The following ATP8B1 variants were observed in gnomAD, a reference collection of about 807,000 sequenced individuals.
ATP8B1 encodes phospholipid-transporting ATPase IC.
A neutral mutation model predicts 149.9 loss-of-function variants in ATP8B1; 80 were observed. The ratio of observed to expected loss-of-function variants is 0.53; its 90% CI spans 0.45 to 0.64. The LOEUF (loss-of-function observed/expected upper bound fraction) is 0.64, where lower values mean the gene tolerates loss of function less well. ATP8B1 is among the 30% of genes least tolerant of loss of function. ATP8B1 has a pLI of 0.00. For synonymous variants in ATP8B1, 536 were observed against 562.8 expected (o/e 0.95, Z 0.67); for missense variants, 1,247 against 1,552.6 (o/e 0.80, Z 3.31).
intron 1 of ATP8B1, among the ~76,000 whole-genome samples, chr18:57,749,286 G>T (rs1283412906): frequency 6.6e-6 from 1 of 152,050 alleles, no homozygotes; most frequent in Non-Finnish European, 1.5e-5. Context: ...GTAGTACAGA[G>T]AATATATATA....
At chr18:57,731,211 T>TAGG (rs2079760896) in intron 2 of ATP8B1, among the ~76,000 whole-genome samples, 1 of 151,536 alleles carries the variant, frequency 6.6e-6, no homozygotes, top group Admixed American at 6.6e-5. Flanking sequence ...GAGGCTGAGG[T>TAGG]AGGAGGATCA....
intron 1 of ATP8B1, among the ~76,000 whole-genome samples, chr18:57,765,275 AAT>A (rs2080199762): frequency 1.3e-5 from 2 of 152,210 alleles, no homozygotes; most frequent in African/African-American, 4.8e-5. Context: ...GGAGTTGTTT[AAT>A]GAGTGCAGAG....
intron 21 of ATP8B1, 139 bp downstream of exon 21, chr18:57,662,344 A>C (rs1910512746): frequency 2.0e-6 from 2 of 998,630 alleles, no homozygotes; most frequent in East Asian, 5.2e-5. Flanking sequence ...ATTAAGTCTC[A>C]AACTTGGAAA....
intron 15 of ATP8B1, among the ~76,000 whole-genome samples, chr18:57,680,470 A>G (rs1911889671): frequency 6.6e-6 from 1 of 150,554 alleles, no homozygotes; most frequent in Admixed American, 6.7e-5. Flanking sequence ...CTGTAATCCC[A>G]GCTACTCGGA....
At chr18:57,713,253 TTCTTTCTTTC>T (rs1913817614) in intron 2 of ATP8B1, among the ~76,000 whole-genome samples, 3 of 136,164 alleles carry the variant, frequency 2.2e-5, no homozygotes, top group African/African-American at 8.2e-5. Context: ...CTTTCTTTCT[TTCTTTCTTTC>T]TCTTTCTTTC....
intron 16 of ATP8B1, among the ~76,000 whole-genome samples, chr18:57,674,379 CCA>C (rs1423537172): frequency 1.6e-5 from 2 of 125,990 alleles, no homozygotes; most frequent in African/African-American, 5.8e-5. Flanking sequence ...GAAAACAATA[CCA>C]GTTTCTTTTT....
intron 12 of ATP8B1, among the ~76,000 whole-genome samples, chr18:57,690,509 T>G (rs1912479419): frequency 2.0e-5 from 3 of 152,230 alleles, no homozygotes; most frequent in Admixed American, 6.5e-5. Context: ...ATGTATACAG[T>G]TTCTTTTATA....
chr18:57,661,668 T>C (rs1436687650), intron 21 of ATP8B1, among the ~76,000 whole-genome samples: 2 of 81,630 alleles, frequency 2.5e-5, no homozygotes, highest in East Asian at 3.7e-4. Flanking sequence ...TGTATGTGTG[T>C]ATGTATATAC....
intron 1 of ATP8B1, among the ~76,000 whole-genome samples, chr18:57,796,139 G>C (rs2080513248): frequency 6.6e-6 from 1 of 152,188 alleles, no homozygotes. Flanking sequence ...CTGCATTCCA[G>C]CCTGCATGAC....
intron 3 of ATP8B1, among the ~76,000 whole-genome samples, chr18:57,705,574 C>T (rs572565780): frequency 3.4e-4 from 52 of 152,150 alleles, no homozygotes; most frequent in African/African-American, 1.2e-3. Flanking sequence ...GGAAGAGTGC[C>T]CCTTGAAGAT....
At chr18:57,788,546 C>T (rs2080431914) in intron 1 of ATP8B1, among the ~76,000 whole-genome samples, 1 of 145,136 alleles carries the variant, frequency 6.9e-6, no homozygotes, top group South Asian at 2.1e-4. Context: ...CAGAGTGAGA[C>T]TCTTATCTCA....
chr18:57,717,544 T>C (rs1599149370), intron 2 of ATP8B1, among the ~76,000 whole-genome samples: 1 of 20,610 alleles, frequency 4.9e-5, no homozygotes, highest in Non-Finnish European at 7.8e-5. Flanking sequence ...CAAGACTCTG[T>C]CTCAAAAAAA....
Position 57,776,039 on chromosome 18 carries a change from T to TCAAAGGAGGCA in ATP8B1, c.-26+26958_-26+26959insTGCCTCCTTTG, listed in dbSNP as rs1568066648. On this transcript the variant is annotated intron_variant, in intron 1 of 27. Transcript: ENST00000648908. The stretch of plus-strand genomic sequence containing the variant: ...ATGCCAGGATAAGGAGTAGGCTACA[T>TCAAAGGAGGCA]TGGATTCTAATCAAAGGAGGCATGA... Among the ~76,000 whole-genome samples the TCAAAGGAGGCA allele has an allele frequency of 1.5e-4, 23 of 152,270 alleles. No homozygotes were observed. The East Asian group carries it at 4.2e-3, about 28-fold the overall frequency.
At chr18:57,693,506 G>A (rs1912647441) in intron 11 of ATP8B1, among the ~76,000 whole-genome samples, 4 of 152,078 alleles carry the variant, frequency 2.6e-5, no homozygotes, top group African/African-American at 7.2e-5. Flanking sequence ...TCAGGGGTTC[G>A]AGACCAGCCT....
rs563512282 is a variant in ATP8B1, at chr18:57,661,139, C to T, written c.2707+35G>A. 2.6e-5 allele frequency: 42 copies of T among 1,610,060 alleles called. 2 individuals carry two copies. In the Admixed American group the frequency reaches 3.7e-4, roughly 14 times the overall value. On this transcript the variant is annotated intron_variant, in intron 22 of 27. Coordinates refer to ENST00000648908, the MANE Select transcript of ATP8B1 (RefSeq NM_001374385.1). ...TTCCAGCCATTTCTCCTCTCTAGCA[C>T]GTTGGGCCTCACTGGCCGTGGGTGC...
At chr18:57,719,026 T>TA (rs1361263495) in intron 2 of ATP8B1, among the ~76,000 whole-genome samples, 1 of 152,122 alleles carries the variant, frequency 6.6e-6, no homozygotes, top group East Asian at 1.9e-4. Context: ...GAGAAAGAAA[T>TA]AAACGGCATC....
chr18:57,662,209 A>G (rs1401988878), intron 21 of ATP8B1, among the ~76,000 whole-genome samples: 2 of 152,236 alleles, frequency 1.3e-5, no homozygotes, highest in African/African-American at 2.4e-5. Context: ...TATAAAATAT[A>G]TATGCAACAA....
chr18:57,732,202 T>C (rs549564581), intron 1 of ATP8B1, among the ~76,000 whole-genome samples: 1 of 88,986 alleles, frequency 1.1e-5, no homozygotes, highest in African/African-American at 4.1e-5. Flanking sequence ...TATATGTGTA[T>C]ATATGTATAT....
At chr18:57,662,982 G>T (rs1161691012) in intron 20 of ATP8B1, among the ~76,000 whole-genome samples, 2 of 152,058 alleles carry the variant, frequency 1.3e-5, no homozygotes, top group African/African-American at 2.4e-5. Context: ...ATTTTTAAGT[G>T]TACAACTTAG....
Sources: allele counts gnomAD v4.1 joint callset (sites outside exome capture counted in the v4.1 genomes callset), GRCh38; gene constraint gnomAD v4.1.1; transcripts MANE v1.5; gene names NCBI Gene and HGNC (gene_info 2026-07-23, HGNC 2026-07-21).